Variants in FHIT observed in about 807,000 individuals in gnomAD.
FHIT encodes bis(5'-adenosyl)-triphosphatase.
In FHIT, 19 loss-of-function variants were observed where a neutral mutation model predicts 17.9. The ratio of observed to expected loss-of-function variants is 1.06; its 90% CI spans 0.74 to 1.56. The LOEUF (loss-of-function observed/expected upper bound fraction) is 1.56. FHIT is among the 40% of genes most tolerant of loss of function. The pLI is 0.00. For synonymous variants in FHIT, 81 were observed against 69.7 expected (o/e 1.16, Z -0.81); for missense variants, 248 against 189.2 (o/e 1.31, Z -1.82).
Position 60,030,291 on chromosome 3 carries a change from C to A in FHIT, c.104-16139G>T, listed in dbSNP as rs74958052. 6.2e-4 allele frequency among the ~76,000 whole-genome samples: 94 copies of A among 152,228 alleles called. 1 individual carries two copies. In the East Asian group the frequency reaches 0.017, roughly 28 times the overall value. On this transcript the variant is annotated intron_variant, in intron 5 of 9. Transcript: ENST00000492590. The stretch of plus-strand genomic sequence containing the variant: ...TCCTGCCAAAATCCTTATTTTGACA[C>A]AAAAAACAGAATGCAGCTATAGCTG...
At chr3:59,874,844 T>C (rs1279749591) in intron 8 of FHIT, among the ~76,000 whole-genome samples, 1 of 152,170 alleles carries the variant, frequency 6.6e-6, no homozygotes, top group Non-Finnish European at 1.5e-5. Context: ...CCATTCCTTC[T>C]AGCACTCCCT....
At chr3:60,350,624 C>G (rs1275393852) in intron 5 of FHIT, among the ~76,000 whole-genome samples, 1 of 152,142 alleles carries the variant, frequency 6.6e-6, no homozygotes, top group East Asian at 1.9e-4. Flanking sequence ...TCTTCTCCCT[C>G]CTTCCTCCCT....
intron 1 of FHIT, among the ~76,000 whole-genome samples, chr3:61,204,250 G>A (rs1381561318): frequency 6.6e-6 from 1 of 152,190 alleles, no homozygotes; most frequent in African/African-American, 2.4e-5. Flanking sequence ...GAGAGTGGGA[G>A]AGGAGATGGA....
At chr3:60,264,892 C>T (rs138969658) in intron 5 of FHIT, among the ~76,000 whole-genome samples, 3,486 of 151,860 alleles carry the variant, frequency 0.023, 64 homozygotes, top group Middle Eastern at 0.082. Context: ...TTTCTAATTG[C>T]CCCCCTGAAA....
intron 5 of FHIT, among the ~76,000 whole-genome samples, chr3:60,386,250 C>G (rs1301817565): frequency 1.3e-5 from 2 of 152,112 alleles, no homozygotes; most frequent in African/African-American, 4.8e-5. Context: ...CTGACTACCA[C>G]TGTACAGCGA....
intron 7 of FHIT, among the ~76,000 whole-genome samples, chr3:59,966,411 C>G (rs1559504926): frequency 6.6e-6 from 1 of 152,136 alleles, no homozygotes; most frequent in East Asian, 1.9e-4. Flanking sequence ...CTACAGCTAG[C>G]CATGTGTTAC....
rs936082330 is a variant in FHIT, at chr3:59,914,814, CT to C, written c.348+7531del. Among the ~76,000 whole-genome samples the C allele has an allele frequency of 4.5e-3, 651 of 145,972 alleles. 2 individuals are homozygous for C. The highest frequency in any genetic ancestry group is 0.011 in the African/African-American group (452 of 40,096). ...GATCATAATTTATTTTTCCAATAGT[CT>C]TTTTTTTTTTCTATCCTTAATCCCT... On this transcript the variant is annotated intron_variant, in intron 8 of 9. Transcript: ENST00000492590.
intron 5 of FHIT, among the ~76,000 whole-genome samples, chr3:60,245,180 C>T (rs996077801): frequency 6.6e-6 from 1 of 151,986 alleles, no homozygotes; most frequent in Non-Finnish European, 1.5e-5. Context: ...AAAATAACCA[C>T]AATAAATCAG....
chr3:60,471,081 G>A (rs543901122), intron 5 of FHIT, among the ~76,000 whole-genome samples: 7 of 152,290 alleles, frequency 4.6e-5, no homozygotes, highest in Non-Finnish European at 1.0e-4. Flanking sequence ...GGCTGAACTA[G>A]TATCCAAGTT....
chr3:60,378,500 T>A (rs891999659), intron 5 of FHIT, among the ~76,000 whole-genome samples: 10 of 152,152 alleles, frequency 6.6e-5, no homozygotes, highest in African/African-American at 2.4e-4. Flanking sequence ...CTAGAGACAT[T>A]TAAATTAATC....
intron 5 of FHIT, among the ~76,000 whole-genome samples, chr3:60,089,191 G>A (rs1319922029): frequency 1.3e-5 from 2 of 152,212 alleles, no homozygotes; most frequent in Non-Finnish European, 2.9e-5. Context: ...CACTTCTTAT[G>A]AAGACCTATA....
intron 4 of FHIT, among the ~76,000 whole-genome samples, chr3:60,560,530 G>A (rs2036899347): frequency 6.6e-6 from 1 of 151,970 alleles, no homozygotes; most frequent in Non-Finnish European, 1.5e-5. Context: ...AAACCAAAAT[G>A]GATCTTCCTG....
intron 5 of FHIT, among the ~76,000 whole-genome samples, chr3:60,202,608 A>G (rs1576301223): frequency 6.6e-6 from 1 of 152,276 alleles, no homozygotes; most frequent in East Asian, 1.9e-4. Context: ...TACAATCCAA[A>G]CAATCTCAGC....
At chr3:59,971,831 G>T (rs1381122321) in intron 7 of FHIT, among the ~76,000 whole-genome samples, 1 of 152,152 alleles carries the variant, frequency 6.6e-6, no homozygotes, top group Admixed American at 6.5e-5. Context: ...CTGTGCAGAT[G>T]AAACGAGTTA....
chr3:60,544,563 C>G (rs1336317522), intron 4 of FHIT, among the ~76,000 whole-genome samples: 2 of 148,772 alleles, frequency 1.3e-5, no homozygotes. Flanking sequence ...TTTTGAATGT[C>G]ATAAGTGAAG....
intron 2 of FHIT, among the ~76,000 whole-genome samples, chr3:61,119,181 G>C (rs1478047306): frequency 6.6e-6 from 1 of 152,100 alleles, no homozygotes; most frequent in Non-Finnish European, 1.5e-5. Flanking sequence ...ACTTCAGCCA[G>C]GTCATTCATA....
chr3:59,952,419 C>T (rs977978113), intron 7 of FHIT, among the ~76,000 whole-genome samples: 2 of 143,076 alleles, frequency 1.4e-5, no homozygotes, highest in African/African-American at 5.3e-5. Context: ...CCATCTGACT[C>T]TGTGGAGTCT....
At chr3:60,255,287 C>T (rs1705929975) in intron 5 of FHIT, among the ~76,000 whole-genome samples, 1 of 152,158 alleles carries the variant, frequency 6.6e-6, no homozygotes, top group East Asian at 1.9e-4. Context: ...TCAATACTCT[C>T]TACCTAGGGT....
intron 4 of FHIT, among the ~76,000 whole-genome samples, chr3:60,805,763 G>A (rs977202599): frequency 3.3e-5 from 5 of 152,022 alleles, no homozygotes; most frequent in Non-Finnish European, 7.4e-5. Context: ...GTTTCACCGT[G>A]TTAGCCAGGA....
Sources: allele counts gnomAD v4.1 joint callset (sites outside exome capture counted in the v4.1 genomes callset), GRCh38; gene constraint gnomAD v4.1.1; transcripts MANE v1.5; gene names NCBI Gene and HGNC (gene_info 2026-07-23, HGNC 2026-07-21).